NSD2: variants seen among roughly 807,000 people sequenced by gnomAD.
NSD2 encodes the protein histone-lysine N-methyltransferase NSD2.
NSD2 carries 12 observed loss-of-function variants against 139.0 expected under a neutral mutation model. The ratio of observed to expected loss-of-function variants is 0.09; its 90% confidence interval spans 0.06 to 0.14. The LOEUF is 0.14. Ranked by LOEUF, NSD2 falls within the 10% of genes least tolerant of loss-of-function variation. NSD2 has a pLI of 1.00. For synonymous variants in NSD2, 669 were observed against 648.7 expected, an observed-to-expected ratio of 1.03 and a Z score of -0.48; for missense variants, 1,155 against 1,745.0, an observed-to-expected ratio of 0.66 and a Z score of 6.02.
chr4:1,951,874 C>T (rs147434468), intron 10 of NSD2: 70 of 556,828 alleles, frequency 1.3e-4, no homozygotes, highest in African/African-American at 1.1e-3. Context: ...CTGTTACTTC[C>T]TTTGCCATTG....
At chr4:1,952,738 T>A (rs1193777466) in intron 11 of NSD2, 1 of 1,079,712 alleles carries the variant, frequency 9.3e-7, no homozygotes, top group East Asian at 6.7e-5. Flanking sequence ...TCTGCCTCCA[T>A]GTTACTGCAT....
chr4:1,897,893 CTGGGATTG>C (rs1716578261), intron 1 of NSD2, among the ~76,000 whole-genome samples: 1 of 152,236 alleles, frequency 6.6e-6, no homozygotes, highest in Non-Finnish European at 1.5e-5. Context: ...TCCTAAAGTG[CTGGGATTG>C]CAGGCATGAG....
At chr4:1,968,400 C>T (rs1176005050) in intron 18 of NSD2, among the ~76,000 whole-genome samples, 2 of 152,136 alleles carry the variant, frequency 1.3e-5, no homozygotes, top group South Asian at 2.1e-4. Flanking sequence ...AGCGTGGTGA[C>T]GCCAGGGTGA....
chr4:1,891,424 A>G (rs1229321645), intron 1 of NSD2, among the ~76,000 whole-genome samples: 1 of 152,170 alleles, frequency 6.6e-6, no homozygotes, highest in African/African-American at 2.4e-5. Context: ...TGTCCTGAAT[A>G]TCTCACTGCT....
chr4:1,897,174 GA>G (rs34685080), intron 1 of NSD2, among the ~76,000 whole-genome samples: 116,738 of 146,278 alleles, frequency 0.8, 46,931 homozygotes, highest in East Asian at 1. Context: ...TGTCTCAAAG[GA>G]AAAAAAAAAA....
At chr4:1,954,793 G>A (rs1225984183) in intron 12 of NSD2, 4 of 178,474 alleles carry the variant, frequency 2.2e-5, no homozygotes, top group South Asian at 1.8e-4. Context: ...GTTCTTTATC[G>A]GGCAATTTTG....
At chr4:1,923,314 C>T (rs1020607722) in intron 5 of NSD2, among the ~76,000 whole-genome samples, 23 of 133,346 alleles carry the variant, frequency 1.7e-4, no homozygotes, top group African/African-American at 6.5e-4. Context: ...GAGACCCTGG[C>T]TCAAAAAAAA....
intron 3 of NSD2, among the ~76,000 whole-genome samples, chr4:1,914,894 G>T (rs977080938): frequency 1.3e-5 from 2 of 152,158 alleles, no homozygotes; most frequent in African/African-American, 4.8e-5. Flanking sequence ...GGATGTTGCA[G>T]TGGGACACTT....
At chr4:1,872,176 C>T (rs543705980) in intron 1 of NSD2, among the ~76,000 whole-genome samples, 2 of 152,168 alleles carry the variant, frequency 1.3e-5, no homozygotes, top group South Asian at 2.1e-4. Flanking sequence ...GGCCGCGGTC[C>T]GGCCCTTGGC....
intron 9 of NSD2, chr4:1,944,990 C>T (rs1723471029): frequency 9.4e-7 from 1 of 1,064,860 alleles, no homozygotes; most frequent in Non-Finnish European, 1.1e-6. Flanking sequence ...ATGACACAAC[C>T]TTTCATGTCG....
At chr4:1,873,878 C>CT (rs1393044210) in intron 1 of NSD2, among the ~76,000 whole-genome samples, 1 of 152,162 alleles carries the variant, frequency 6.6e-6, no homozygotes, top group Admixed American at 6.5e-5. Flanking sequence ...GAGACAGGGT[C>CT]TCTCTATGTG....
chr4:1,961,199 GC>G, intron 18 of NSD2, 48 bp downstream of exon 18: 1 of 1,476,534 alleles, frequency 6.8e-7, no homozygotes, highest in Non-Finnish European at 9.4e-7. Flanking sequence ...TGGACCTGGA[GC>G]CCTGATGGTC....
chr4:1,909,168 A>G (rs1202869658), intron 3 of NSD2, among the ~76,000 whole-genome samples: 2 of 151,954 alleles, frequency 1.3e-5, no homozygotes, highest in Non-Finnish European at 1.5e-5. Flanking sequence ...TTTAAGTTGT[A>G]TGCCTTTGAC....
Position 1,972,547 on chromosome 4 carries a change from C to T in NSD2, c.3373-2316C>T, listed in dbSNP as rs1249435908. 2.0e-5 allele frequency among the ~76,000 whole-genome samples: 3 copies of T among 152,330 alleles called. No individual in the cohort carries two copies. The East Asian group carries it at 5.8e-4, about 29-fold the overall frequency. On this transcript the variant is annotated intron_variant, in intron 18 of 21. Transcript: ENST00000508803. This position sits in a 1 kb window ranked among gnomAD's most constrained non-coding sequence, Gnocchi z 4.0. ...CCTGTGACTCCAGCGGGGCCCAAAC[C>T]CAGGCGGATGGCCAGGGGGAGTGGG... is the stretch of plus-strand genomic sequence containing the variant.
chr4:1,893,021 G>A (rs1453784595), intron 1 of NSD2: 2 of 152,062 alleles, frequency 1.3e-5, no homozygotes, highest in Admixed American at 1.3e-4. Flanking sequence ...GGAATTCTTA[G>A]GTTATTAGTC....
At chr4:1,911,234 G>T (rs1163078615) in intron 3 of NSD2, among the ~76,000 whole-genome samples, 1 of 152,134 alleles carries the variant, frequency 6.6e-6, no homozygotes, top group African/African-American at 2.4e-5. Flanking sequence ...AGGGGATGTA[G>T]GTGGGGAGGT....
At chr4:1,936,209 G>C (rs917806455) in intron 7 of NSD2, among the ~76,000 whole-genome samples, 1 of 152,152 alleles carries the variant, frequency 6.6e-6, no homozygotes, top group African/African-American at 2.4e-5. Flanking sequence ...GGAAACACCG[G>C]GTTATTCTGT....
At chr4:1,925,659 A>G (rs544384744) in intron 5 of NSD2, among the ~76,000 whole-genome samples, 94 of 151,802 alleles carry the variant, frequency 6.2e-4, no homozygotes, top group African/African-American at 2.1e-3. Context: ...TTGGCCTCCC[A>G]AAGTCCTGGG....
At chr4:1,931,025 C>T (rs1283815044) in intron 6 of NSD2, among the ~76,000 whole-genome samples, 1 of 152,116 alleles carries the variant, frequency 6.6e-6, no homozygotes, top group Non-Finnish European at 1.5e-5. Context: ...CCAAGTTGAG[C>T]AGCCACTGTG....
Sources: allele counts gnomAD v4.1 joint callset (sites outside exome capture counted in the v4.1 genomes callset), GRCh38; gene constraint gnomAD v4.1.1; non-coding constraint Gnocchi (gnomAD v3.1); transcripts MANE v1.5; gene names NCBI Gene and HGNC (gene_info 2026-07-23, HGNC 2026-07-21).